Variants in MDM1 observed in about 807,000 individuals in gnomAD.
The protein encoded by MDM1 is Mdm1 nuclear protein.
Under a neutral mutation model 89.1 loss-of-function variants are expected in MDM1, and 61 were observed. That is an observed-to-expected ratio of 0.68 (90% confidence interval 0.56 to 0.85). The LOEUF is 0.85. Ranked by LOEUF, MDM1 falls within the 40% of genes least tolerant of loss-of-function variation. The pLI is 0.00. For missense variants in MDM1, 820 were observed against 846.5 expected, an observed-to-expected ratio of 0.97 and a Z score of 0.39; for synonymous variants, 290 against 294.1, an observed-to-expected ratio of 0.99 and a Z score of 0.14.
At position 68,331,139 on chromosome 12, in the gene MDM1, T is replaced by A. The variant is rs1331704168; in HGVS notation, c.101A>T (p.Tyr34Phe). ...ESCNSSVGRK[Y>F]PWAGLRSDQL... ...ATCTGATCTAAGTCCAGCCCATGGGTACTTTCGCCCCACGGAGGAATTACA... is the reference window on the plus strand; with the variant it reads ...ATCTGATCTAAGTCCAGCCCATGGGAACTTTCGCCCCACGGAGGAATTACA... Residue 34 changes from tyrosine (Y) to phenylalanine (F), a missense_variant, in exon 2 of 15, where the codon TAC (tyrosine) becomes TTC (phenylalanine). By Grantham distance (22) the Tyr-to-Phe change is conservative (BLOSUM62 3). Transcript: ENST00000682720. The A allele has an allele frequency of 6.2e-7, 1 of 1,609,158 alleles. No individual in the cohort carries two copies. The highest frequency in any genetic ancestry group is 1.7e-5 in the Admixed American group (1 of 60,010).
intron 7 of MDM1, 67 bp downstream of exon 7, chr12:68,321,280 T>G: frequency 8.2e-7 from 1 of 1,222,536 alleles, no homozygotes; most frequent in South Asian, 1.5e-5. Context: ...AAGGAACTCG[T>G]TGTGAAATTA....
In MDM1 at chr12:68,302,745, G is replaced by A. The variant is rs146069626; in HGVS notation, c.1877C>T (p.Ser626Leu). 1 of 1,613,962 alleles carries A rather than the reference G, an allele frequency of 6.2e-7. No homozygotes were observed. Among genetic ancestry groups the A allele is most frequent in the South Asian group, 1.1e-5 (1 of 91,074 alleles). Residue 626 changes from serine to leucine, a missense_variant, in exon 13 of 15, where the codon TCA (serine) becomes TTA (leucine). Physicochemically the swap from Ser to Leu is moderately radical, Grantham distance 145. Coordinates refer to ENST00000682720, the MANE Select transcript of MDM1 (RefSeq NM_001354969.2). Reference protein sequence around the residue: ...HKFAEATLPVSKIPKYPTNPP... With the variant: ...HKFAEATLPVLKIPKYPTNPP... ...ATTTGTTGGGTATTTTGGAATTTTT[G>A]AAACTGGAAGAGTTGCCTCAGCAAA...
At chr12:68,313,579 A>G in intron 11 of MDM1, 27 bp from the exon 12 acceptor site, 1 of 1,608,850 alleles carries the variant, frequency 6.2e-7, no homozygotes, top group East Asian at 2.2e-5. Context: ...GACAGTTTCA[A>G]TTACACTAAA....
chr12:68,298,018 T>C (rs1394937993), intron 13 of MDM1, among the ~76,000 whole-genome samples: 2 of 152,076 alleles, frequency 1.3e-5, no homozygotes, highest in Non-Finnish European at 2.9e-5. Context: ...CCTGCCCAGG[T>C]GTGAGAAGCC....
rs1875855017 is a variant in MDM1 at position 68,325,587 on chromosome 12, A to G, written c.499-12T>C. On this transcript the variant is annotated splice_polypyrimidine_tract_variant and intron_variant, in intron 3 of 14. Coordinates refer to ENST00000682720, the MANE Select transcript of MDM1 (RefSeq NM_001354969.2). ...AGAAGTCTATCCAACTGTTCAAAAA[A>G]CAAAATCCACTCAAAGACATTAAAA... 4 of 1,501,392 alleles carry G rather than the reference A, an allele frequency of 2.7e-6. No homozygotes were observed. The East Asian group carries it at 9.6e-5, about 36-fold the overall frequency. 93.0% of individuals were successfully genotyped at this position (1,501,392 alleles called of 1,614,324 possible).
At chr12:68,332,152 C>A (rs898137210) in intron 1 of MDM1, 76 bp downstream of exon 1, 3 of 1,501,214 alleles carry the variant, frequency 2.0e-6, no homozygotes, top group Admixed American at 2.1e-5. Flanking sequence ...AGAAAAGCAG[C>A]GTGACCTCGG....
In MDM1 at chr12:68,332,299, C is replaced by A. The variant is rs1047554342; in HGVS notation, c.-54G>T. 5.2e-6 allele frequency: 8 copies of A among 1,543,058 alleles called. No homozygotes were observed. Among genetic ancestry groups the A allele is most frequent in the Non-Finnish European group, 6.1e-6 (7 of 1,145,176 alleles). ...CCGACAGTTAACTGGAGAAAAAGCT[C>A]CGAGGGGGCGGGGCGATAACAGTGT... On this transcript the variant is annotated 5_prime_UTR_variant, in exon 1 of 15. Coordinates refer to ENST00000682720, the MANE Select transcript of MDM1 (RefSeq NM_001354969.2).
At chr12:68,298,458 G>C (rs1871704743) in intron 13 of MDM1, among the ~76,000 whole-genome samples, 1 of 152,156 alleles carries the variant, frequency 6.6e-6, no homozygotes, top group South Asian at 2.1e-4. Context: ...AAGGGTCTTG[G>C]AGAAGGGGTC....
chr12:68,302,797 C>T lies in MDM1; in HGVS notation c.1825G>A (p.Glu609Lys), dbSNP rs758868198. The change falls in exon 13 of 15, where the codon GAA (glutamate) becomes AAA (lysine). Residue 609 changes from glutamate to lysine, a missense_variant. Physicochemically the swap from Glu to Lys is moderately conservative, Grantham distance 56. Coordinates refer to ENST00000682720, the MANE Select transcript of MDM1 (RefSeq NM_001354969.2). Reference sequence around the variant, plus strand: ...TTGTGGATATTGTCTTCAGAATCTTCCCGCAAAGGCAGAGGATCAACTGTT... The same window carrying T: ...TTGTGGATATTGTCTTCAGAATCTTTCCGCAAAGGCAGAGGATCAACTGTT... Reference protein sequence around the residue: ...IKTVDPLPLREDSEDNIHKFA... With the variant: ...IKTVDPLPLRKDSEDNIHKFA... 8 of 1,613,120 alleles carry T rather than the reference C, an allele frequency of 5.0e-6. No individual in the cohort carries two copies. The South Asian group carries it at 8.8e-5, about 18-fold the overall frequency.
chr12:68,311,320 C>T (rs1873651335), intron 12 of MDM1, among the ~76,000 whole-genome samples: 1 of 152,152 alleles, frequency 6.6e-6, no homozygotes, highest in Admixed American at 6.5e-5. Context: ...TAAAATATCC[C>T]ACATTCCCCT....
Position 68,307,414 on chromosome 12 carries a change from C to T in MDM1, c.1750-4542G>A, listed in dbSNP as rs1186648544. Among the ~76,000 whole-genome samples, 8 of 152,142 alleles carry T rather than the reference C, an allele frequency of 5.3e-5. No homozygotes were observed. The East Asian group carries it at 1.5e-3, about 29-fold the overall frequency. ...ACTTTGGGAGGCCAAGAAGGGAGGA[C>T]TGCTTGAACCCAGGAGTTTGAGAAC... On this transcript the variant is annotated intron_variant, in intron 12 of 14. Transcript: ENST00000682720.
At chr12:68,309,900 G>T (rs888748738) in intron 12 of MDM1, among the ~76,000 whole-genome samples, 1 of 152,214 alleles carries the variant, frequency 6.6e-6, no homozygotes, top group Non-Finnish European at 1.5e-5. Context: ...GGTAGTGCTG[G>T]TCGCAGAAAA....
intron 7 of MDM1, among the ~76,000 whole-genome samples, chr12:68,320,257 C>T (rs771075972): frequency 2.0e-5 from 3 of 152,190 alleles, no homozygotes; most frequent in Non-Finnish European, 2.9e-5. Context: ...CGGGTGCTTT[C>T]GATGCTCCTA....
At chr12:68,313,208 T>C (rs1316627333) in intron 12 of MDM1, among the ~76,000 whole-genome samples, 2 of 152,198 alleles carry the variant, frequency 1.3e-5, no homozygotes. Flanking sequence ...AAGTATTGCT[T>C]TCTTTATCTT....
rs1875447570 is a variant in MDM1, at chr12:68,323,068, AATAC to A, written c.801+1_801+4del. On this transcript the variant is annotated splice_donor_variant and splice_donor_region_variant and intron_variant, in intron 5 of 14. Transcript: ENST00000682720. LOFTEE classifies it high-confidence loss of function. ...TGTTTTGTAAGGTTAAAAGTTGATG[AATAC>A]CTTCCTTTCAGGAGACACTGTTTCA... 1.3e-5 allele frequency: 20 copies of A among 1,594,364 alleles called. No homozygotes were observed. The highest frequency in any genetic ancestry group is 1.5e-5 in the Non-Finnish European group (18 of 1,174,162).
intron 12 of MDM1, among the ~76,000 whole-genome samples, chr12:68,303,432 G>A (rs549556339): frequency 6.6e-6 from 1 of 151,990 alleles, no homozygotes; most frequent in East Asian, 1.9e-4. Flanking sequence ...CTGGGGGGCC[G>A]GCAAAACATA....
Position 68,326,889 on chromosome 12 carries a change from G to A in MDM1, c.266C>T (p.Pro89Leu), listed in dbSNP as rs556289246. The A allele has an allele frequency of 2.0e-5, 32 of 1,614,050 alleles. No homozygotes were observed. In the African/African-American group the frequency reaches 3.3e-4, roughly 17 times the overall value. ...TGCTTCTTGTGATTTTGGTGTTTCC[G>A]GGGCTTCTGGTTCTGGTGATGCAAC... ...NVVASPEPEA[P>L]ETPKSQEAEQ... Residue 89 changes from proline (P) to leucine (L), a missense_variant, in exon 3 of 15, where the codon CCG (proline) becomes CTG (leucine). Pro to Leu is a moderately conservative substitution (Grantham distance 98). Transcript: ENST00000682720.
At chr12:68,308,168 C>A (rs1158306621) in intron 12 of MDM1, among the ~76,000 whole-genome samples, 4 of 150,060 alleles carry the variant, frequency 2.7e-5, no homozygotes, top group Non-Finnish European at 5.9e-5. Context: ...CTCTGTCGCC[C>A]AGGCTGGAGT....
chr12:68,321,680 G>T, intron 5 of MDM1, 52 bp from the exon 6 acceptor site: 2 of 1,138,468 alleles, frequency 1.8e-6, no homozygotes, highest in Non-Finnish European at 2.6e-6. Flanking sequence ...ACACATTAAA[G>T]TGAAAACATG....
Sources: allele counts gnomAD v4.1 joint callset (sites outside exome capture counted in the v4.1 genomes callset), GRCh38; gene constraint gnomAD v4.1.1; transcripts MANE v1.5; gene names NCBI Gene and HGNC (gene_info 2026-07-23, HGNC 2026-07-21).